DCAF8L2: variants seen among roughly 807,000 people sequenced by gnomAD.
The protein encoded by DCAF8L2 is DDB1- and CUL4-associated factor 8-like protein 2.
For missense variants in DCAF8L2, 430 were observed against 490.7 expected, an observed-to-expected ratio of 0.88 and a Z score of 1.17; for synonymous variants, 200 against 190.9, an observed-to-expected ratio of 1.05 and a Z score of -0.39.
chrX:27,598,525 T>C (rs188125660), intron 1 of DCAF8L2, among the ~76,000 whole-genome samples: 2 of 112,582 alleles, frequency 1.8e-5, no homozygotes, highest in East Asian at 5.6e-4. Flanking sequence ...TGATAAGCAA[T>C]TGCTACAAAA....
At chrX:27,559,841 A>G in the DCAF8L2 span, among the ~76,000 whole-genome samples, 2 of 111,434 alleles carry the variant, frequency 1.8e-5, no homozygotes, top group Non-Finnish European at 3.8e-5. Flanking sequence ...ACACATCTCT[A>G]CCTAACAACT....
chrX:27,748,482 G>A lies in DCAF8L2; in HGVS notation c.1587G>A (p.Ala529=), dbSNP rs1369764523. The A allele has an allele frequency of 1.7e-5, 20 of 1,207,862 alleles. 1 individual carries two copies. In the South Asian group the frequency reaches 1.8e-4, roughly 11 times the overall value. The part of the protein sequence containing the change: ...LEPHPYLPVL[A]CSGLDHDVKI... ...CCCACCCTTACCTACCTGTGTTGGC[G>A]TGCAGTGGCCTAGATCATGATGTCA... The change falls in exon 5 of 5, where the codon GCG becomes GCA. Residue 529 remains alanine (A), a synonymous_variant. Coordinates refer to ENST00000451261, the MANE Select transcript of DCAF8L2 (RefSeq NM_001353450.2).
chrX:27,611,714 A>G (rs1420619764), intron 1 of DCAF8L2, among the ~76,000 whole-genome samples: 1 of 109,298 alleles, frequency 9.1e-6, no homozygotes, highest in Non-Finnish European at 1.9e-5. Flanking sequence ...TGTCCTTGCG[A>G]TAGCTTGCTC....
the DCAF8L2 span, among the ~76,000 whole-genome samples, chrX:27,547,987 G>A: frequency 2.8e-5 from 3 of 106,660 alleles, no homozygotes; most frequent in Non-Finnish European, 3.8e-5. Context: ...GCCTCCCCAG[G>A]CATGCCTCCT....
chrX:27,668,362 C>T (rs895668800), intron 2 of DCAF8L2, among the ~76,000 whole-genome samples: 1 of 111,024 alleles, frequency 9.0e-6, no homozygotes, highest in Non-Finnish European at 1.9e-5. Flanking sequence ...GGAAATCAAA[C>T]AAGCAAACGA....
intron 1 of DCAF8L2, among the ~76,000 whole-genome samples, chrX:27,626,637 A>G (rs1928021315): frequency 8.9e-6 from 1 of 112,317 alleles, no homozygotes; most frequent in Admixed American, 9.4e-5. Context: ...TTTGATATGT[A>G]ATATTTTTAT....
the DCAF8L2 span, among the ~76,000 whole-genome samples, chrX:27,564,061 A>T: frequency 8.9e-6 from 1 of 111,868 alleles, no homozygotes; most frequent in Non-Finnish European, 1.9e-5. Context: ...CATATACCTG[A>T]GACTGGGTAA....
In DCAF8L2 at chrX:27,689,083, C is replaced by T. The variant is rs752858963; in HGVS notation, c.-143+11171C>T. On this transcript the variant is annotated intron_variant, in intron 3 of 4. Coordinates refer to ENST00000451261, the MANE Select transcript of DCAF8L2 (RefSeq NM_001353450.2). The stretch of plus-strand genomic sequence containing the variant: ...TGTTTTGCTATGATTCTAAATCATT[C>T]CCCCTTTTATCAGTACAATTTGGCC... Among the ~76,000 whole-genome samples, 28 of 112,078 alleles carry T rather than the reference C, an allele frequency of 2.5e-4. No individual in the cohort carries two copies. In the East Asian group the frequency reaches 4.8e-3, roughly 19 times the overall value.
intron 2 of DCAF8L2, among the ~76,000 whole-genome samples, chrX:27,634,560 T>A (rs1015666904): frequency 9.0e-6 from 1 of 110,798 alleles, no homozygotes; most frequent in Non-Finnish European, 1.9e-5. Context: ...AATAGGAACA[T>A]CTTCATAGGA....
chrX:27,687,249 G>A (rs1217569815), intron 3 of DCAF8L2, among the ~76,000 whole-genome samples: 1 of 112,142 alleles, frequency 8.9e-6, no homozygotes, highest in African/African-American at 3.2e-5. Flanking sequence ...GAAAATGACT[G>A]TATAAATGAA....
the DCAF8L2 span, among the ~76,000 whole-genome samples, chrX:27,543,525 T>C: frequency 1.8e-5 from 2 of 111,507 alleles, no homozygotes; most frequent in Non-Finnish European, 3.8e-5. Flanking sequence ...AAATGGCCTG[T>C]CTGGATTATT....
chrX:27,663,536 CACA>C (rs918107725), intron 2 of DCAF8L2, among the ~76,000 whole-genome samples: 2 of 110,817 alleles, frequency 1.8e-5, no homozygotes, highest in African/African-American at 6.6e-5. Flanking sequence ...GAGTGCCACA[CACA>C]ACAATATAAG....
chrX:27,564,850 T>A, the DCAF8L2 span, among the ~76,000 whole-genome samples: 3,614 of 109,466 alleles, frequency 0.033, 155 homozygotes, highest in African/African-American at 0.11. Flanking sequence ...AAGGTGATTT[T>A]AAAAAAAAAT....
intron 3 of DCAF8L2, chrX:27,712,588 T>C (rs1012237408): frequency 8.9e-6 from 1 of 111,780 alleles, no homozygotes; most frequent in Non-Finnish European, 1.9e-5. Flanking sequence ...ACCAGAAACA[T>C]TTCTAGTTTA....
the DCAF8L2 span, among the ~76,000 whole-genome samples, chrX:27,552,837 TG>T: frequency 8.9e-6 from 1 of 112,008 alleles, no homozygotes; most frequent in African/African-American, 3.2e-5. Flanking sequence ...TGATTGAAAA[TG>T]CATTTAGTCC....
rs1376699632 is a variant in DCAF8L2 at position 27,600,471 on chromosome X, T to G, written c.-342+10031T>G. On this transcript the variant is annotated intron_variant, in intron 1 of 4. Transcript: ENST00000451261. ...TTTCATAAATTGTAGCATGAGAGAT[T>G]TATTTAATTTGCATGAAACAAAAAT... Among the ~76,000 whole-genome samples, 3 of 111,835 alleles carry G rather than the reference T, an allele frequency of 2.7e-5. No individual in the cohort carries two copies. In the South Asian group the frequency reaches 1.1e-3, roughly 41 times the overall value.
At chrX:27,609,811 C>G (rs1004536875) in intron 1 of DCAF8L2, among the ~76,000 whole-genome samples, 2 of 111,945 alleles carry the variant, frequency 1.8e-5, no homozygotes, top group Non-Finnish European at 3.8e-5. Context: ...TAATAGAATT[C>G]TGGCACCCCA....
chrX:27,621,979 A>G (rs142806854), intron 1 of DCAF8L2, among the ~76,000 whole-genome samples: 1 of 109,234 alleles, frequency 9.2e-6, no homozygotes, highest in Non-Finnish European at 1.9e-5. Flanking sequence ...GTGATAGAGT[A>G]AGACCTTATC....
At chrX:27,477,933 T>A in the DCAF8L2 span, among the ~76,000 whole-genome samples, 1 of 111,753 alleles carries the variant, frequency 8.9e-6, no homozygotes, top group African/African-American at 3.3e-5. Context: ...ATATGGATTG[T>A]TAGCTCATCA....
Sources: allele counts gnomAD v4.1 joint callset (sites outside exome capture counted in the v4.1 genomes callset), GRCh38; gene constraint gnomAD v4.1.1; transcripts MANE v1.5; gene names NCBI Gene and HGNC (gene_info 2026-07-23, HGNC 2026-07-21).